The following SGCZ variants were observed in gnomAD, a reference collection of about 807,000 sequenced individuals.
SGCZ encodes the protein zeta-sarcoglycan.
A neutral mutation model predicts 41.3 loss-of-function variants in SGCZ; 40 were observed. The observed-to-expected ratio is 0.97, with a 90% confidence interval of 0.75 to 1.26. SGCZ has a LOEUF of 1.26. SGCZ is among the 50% of genes most tolerant of loss of function. The pLI is 0.00. For missense variants in SGCZ, 552 were observed against 369.8 expected (o/e 1.49, Z -4.04); for synonymous variants, 206 against 137.5 (o/e 1.50, Z -3.49).
intron 1 of SGCZ, among the ~76,000 whole-genome samples, chr8:15,183,805 T>C (rs1199865918): frequency 6.6e-6 from 1 of 152,206 alleles, no homozygotes; most frequent in Non-Finnish European, 1.5e-5. Flanking sequence ...TGGTAATGCT[T>C]AGTTACAACT....
At chr8:14,188,797 GTTT>G (rs765052122) in intron 4 of SGCZ, among the ~76,000 whole-genome samples, 2 of 134,200 alleles carry the variant, frequency 1.5e-5, no homozygotes, top group South Asian at 2.5e-4. Flanking sequence ...CAGATTTCTT[GTTT>G]TTTTTTTGTT....
At chr8:15,203,837 T>C (rs17610165) in intron 1 of SGCZ, among the ~76,000 whole-genome samples, 59,612 of 152,056 alleles carry the variant, frequency 0.39, 11,891 homozygotes, top group East Asian at 0.54. Context: ...GAAATAACTA[T>C]AATTTTGCAG....
intron 2 of SGCZ, among the ~76,000 whole-genome samples, chr8:14,372,429 A>G (rs947977664): frequency 1.3e-5 from 2 of 152,118 alleles, no homozygotes; most frequent in African/African-American, 4.8e-5. Flanking sequence ...AAGACAGAGA[A>G]GTGAGCATGA....
intron 1 of SGCZ, among the ~76,000 whole-genome samples, chr8:15,226,508 C>A (rs1801778083): frequency 6.6e-6 from 1 of 152,118 alleles, no homozygotes; most frequent in Non-Finnish European, 1.5e-5. Flanking sequence ...GTTTAACTTC[C>A]AGGAGCCATC....
At chr8:15,224,498 C>G (rs1801705406) in intron 1 of SGCZ, among the ~76,000 whole-genome samples, 1 of 152,122 alleles carries the variant, frequency 6.6e-6, no homozygotes, top group South Asian at 2.1e-4. Flanking sequence ...GAGTTTGCTA[C>G]TACCATACGT....
chr8:14,796,460 G>A (rs1306416142), intron 1 of SGCZ, among the ~76,000 whole-genome samples: 2 of 151,784 alleles, frequency 1.3e-5, no homozygotes, highest in African/African-American at 2.4e-5. Flanking sequence ...TGTGTCACAA[G>A]GTCACTTATT....
chr8:15,044,154 TA>T (rs1178415616), intron 1 of SGCZ, among the ~76,000 whole-genome samples: 2 of 152,170 alleles, frequency 1.3e-5, no homozygotes, highest in African/African-American at 4.8e-5. Flanking sequence ...TTATAATTTA[TA>T]AAATATATAT....
At chr8:14,383,057 G>A (rs570939226) in intron 2 of SGCZ, among the ~76,000 whole-genome samples, 1 of 152,088 alleles carries the variant, frequency 6.6e-6, no homozygotes, top group Non-Finnish European at 1.5e-5. Context: ...CTCATGTTTT[G>A]TTCCCAAAAT....
At chr8:14,903,464 A>T (rs1412569431) in intron 1 of SGCZ, among the ~76,000 whole-genome samples, 1 of 152,118 alleles carries the variant, frequency 6.6e-6, no homozygotes, top group Non-Finnish European at 1.5e-5. Context: ...CAAAAAAAGT[A>T]AATGCAAATG....
At chr8:14,597,526 T>G (rs1805451966) in intron 1 of SGCZ, among the ~76,000 whole-genome samples, 1 of 152,212 alleles carries the variant, frequency 6.6e-6, no homozygotes, top group African/African-American at 2.4e-5. Context: ...TGGAGTGCAG[T>G]GGCAGGATCT....
chr8:14,231,146 T>C (rs2117149113), intron 4 of SGCZ, among the ~76,000 whole-genome samples: 1 of 137,002 alleles, frequency 7.3e-6, no homozygotes, highest in Non-Finnish European at 1.6e-5. Context: ...TTCCTTGCTT[T>C]GATTCTTTGG....
chr8:14,657,945 A>T (rs567167471), intron 1 of SGCZ, among the ~76,000 whole-genome samples: 11 of 152,218 alleles, frequency 7.2e-5, no homozygotes, highest in South Asian at 2.1e-4. Context: ...CTTCTAAGGA[A>T]TTTGAATCAC....
At chr8:14,641,120 G>T (rs1273550277) in intron 1 of SGCZ, among the ~76,000 whole-genome samples, 2 of 151,298 alleles carry the variant, frequency 1.3e-5, no homozygotes, top group African/African-American at 4.9e-5. Context: ...GAGGGGGTAG[G>T]GATACAAAGA....
intron 1 of SGCZ, among the ~76,000 whole-genome samples, chr8:14,695,447 A>G (rs1447332525): frequency 6.6e-6 from 1 of 152,164 alleles, no homozygotes. Context: ...CAAAAGTACC[A>G]TGTAAGAGGA....
chr8:14,122,658 A>AT (rs1802735890), intron 5 of SGCZ, among the ~76,000 whole-genome samples: 4 of 152,212 alleles, frequency 2.6e-5, no homozygotes, highest in Admixed American at 2.0e-4. Context: ...AAATGTCTAC[A>AT]TTTTTAAAGA....
chr8:14,791,233 G>T (rs1046714622), intron 1 of SGCZ, among the ~76,000 whole-genome samples: 1 of 151,626 alleles, frequency 6.6e-6, no homozygotes, highest in Admixed American at 6.6e-5. Context: ...CCTTTAAATT[G>T]TACATTACTT....
intron 1 of SGCZ, among the ~76,000 whole-genome samples, chr8:15,222,219 A>T (rs1297276764): frequency 6.6e-6 from 1 of 152,180 alleles, no homozygotes; most frequent in Non-Finnish European, 1.5e-5. Context: ...AATATAGGAT[A>T]TTGGATCCAA....
intron 1 of SGCZ, among the ~76,000 whole-genome samples, chr8:14,737,872 G>C (rs887266175): frequency 6.6e-6 from 1 of 152,034 alleles, no homozygotes; most frequent in African/African-American, 2.4e-5. Flanking sequence ...GTAGAAGAGA[G>C]TTTATTTCAT....
chr8:14,168,282 C>A (rs550412436), intron 4 of SGCZ, among the ~76,000 whole-genome samples: 1 of 151,564 alleles, frequency 6.6e-6, no homozygotes, highest in African/African-American at 2.4e-5. Flanking sequence ...CAACCAACAA[C>A]AAACTAAGTT....
Sources: gnomAD v4.1 joint callset for allele counts (sites outside exome capture counted in the v4.1 genomes callset) on GRCh38, gnomAD v4.1.1 for gene constraint, MANE v1.5 for transcripts, NCBI Gene and HGNC (gene_info 2026-07-23, HGNC 2026-07-21) for gene names.